ANKRD11: variants seen among roughly 807,000 people sequenced by gnomAD.
ANKRD11 encodes ankyrin repeat domain 11, also known as ankyrin repeat domain-containing protein 11.
ANKRD11 carries 17 observed loss-of-function variants against 195.7 expected under a neutral mutation model. The observed-to-expected ratio is 0.09, with a 90% CI of 0.06 to 0.13. The LOEUF (loss-of-function observed/expected upper bound fraction) is 0.13. Among genes scored for constraint, ANKRD11 ranks in the 10% least tolerant of loss-of-function variants. ANKRD11 has a pLI of 1.00. For missense variants in ANKRD11, 3,735 were observed against 3,566.1 expected (o/e 1.05, Z -1.21); for synonymous variants, 1,953 against 1,528.1 (o/e 1.28, Z -6.49).
intron 2 of ANKRD11, among the ~76,000 whole-genome samples, chr16:89,341,202 C>T (rs927738725): frequency 2.0e-5 from 3 of 152,268 alleles, no homozygotes; most frequent in Middle Eastern, 6.8e-3. Flanking sequence ...GGGTGAGATC[C>T]GCGGAGAAGA....
intron 2 of ANKRD11, among the ~76,000 whole-genome samples, chr16:89,416,586 CTGTG>C (rs2042319680): frequency 1.3e-5 from 2 of 152,082 alleles, no homozygotes; most frequent in Non-Finnish European, 2.9e-5. Context: ...GCGTGAGCCA[CTGTG>C]CCTGGCCACT....
At chr16:89,393,765 C>T (rs1439988435) in intron 2 of ANKRD11, among the ~76,000 whole-genome samples, 1 of 152,104 alleles carries the variant, frequency 6.6e-6, no homozygotes, top group Non-Finnish European at 1.5e-5. Context: ...GCCCTTCATT[C>T]TGGAATCTGG....
At chr16:89,393,688 T>A (rs2041302561) in intron 2 of ANKRD11, among the ~76,000 whole-genome samples, 1 of 151,798 alleles carries the variant, frequency 6.6e-6, no homozygotes, top group African/African-American at 2.4e-5. Flanking sequence ...AGAGGATTTG[T>A]AAGGGTTAGA....
At chr16:89,397,356 C>T (rs1296868292) in intron 2 of ANKRD11, among the ~76,000 whole-genome samples, 3 of 152,232 alleles carry the variant, frequency 2.0e-5, no homozygotes, top group Non-Finnish European at 4.4e-5. Flanking sequence ...CAACTGGATG[C>T]GCATTTACAA....
At chr16:89,449,963 C>G (rs1359530541) in intron 1 of ANKRD11, among the ~76,000 whole-genome samples, 1 of 152,158 alleles carries the variant, frequency 6.6e-6, no homozygotes, top group Non-Finnish European at 1.5e-5. Context: ...CCTGAGGGAG[C>G]CCTTCCTAAG....
chr16:89,297,637 A>G (rs906123301), intron 4 of ANKRD11: 1 of 152,228 alleles, frequency 6.6e-6, no homozygotes, highest in Non-Finnish European at 1.5e-5. Flanking sequence ...CGAGGGCGCA[A>G]CCATATTCCC....
chr16:89,457,500 G>C (rs1490517271), intron 1 of ANKRD11, among the ~76,000 whole-genome samples: 2 of 150,926 alleles, frequency 1.3e-5, no homozygotes, highest in African/African-American at 4.9e-5. Flanking sequence ...CGGGAGGCTA[G>C]GGCAGAAGAA....
At chr16:89,413,624 A>AAAAGAAAAAAAT (rs1284965172) in intron 2 of ANKRD11, among the ~76,000 whole-genome samples, 1 of 152,152 alleles carries the variant, frequency 6.6e-6, no homozygotes, top group East Asian at 1.9e-4. Context: ...CTGTCTCAAA[A>AAAAGAAAAAAAT]AAAGAAAAAA....
intron 1 of ANKRD11, among the ~76,000 whole-genome samples, chr16:89,448,494 CA>C: frequency 6.6e-6 from 1 of 152,326 alleles, no homozygotes; most frequent in South Asian, 2.1e-4. Context: ...CACCTAAACA[CA>C]AATCTCCATT....
At chr16:89,455,084 T>C (rs1355079165) in intron 1 of ANKRD11, among the ~76,000 whole-genome samples, 7 of 82,274 alleles carry the variant, frequency 8.5e-5, no homozygotes, top group East Asian at 5.5e-4. Flanking sequence ...TGGGTGCTTC[T>C]AGGGTTCCTC....
At chr16:89,402,710 A>G (rs1391755405) in intron 2 of ANKRD11, among the ~76,000 whole-genome samples, 1 of 84,318 alleles carries the variant, frequency 1.2e-5, no homozygotes, top group African/African-American at 4.7e-5. Flanking sequence ...CTGCGAGGTT[A>G]GGAGAGGGGG....
intron 9 of ANKRD11, among the ~76,000 whole-genome samples, chr16:89,276,658 C>T (rs542048815): frequency 5.9e-5 from 9 of 152,344 alleles, no homozygotes; most frequent in Admixed American, 2.6e-4. Flanking sequence ...GTCTCGTCAC[C>T]TCCACGGCTC....
intron 1 of ANKRD11, among the ~76,000 whole-genome samples, chr16:89,441,978 C>T (rs531606879): frequency 6.6e-5 from 10 of 152,200 alleles, no homozygotes; most frequent in South Asian, 6.2e-4. Flanking sequence ...AACTCAAATC[C>T]GGTCTAGAAA....
Position 89,284,262 on chromosome 16 carries a change from C to G in ANKRD11, c.2280G>C (p.Leu760=), listed in dbSNP as rs1230759806. The G allele has an allele frequency of 5.0e-6, 8 of 1,613,674 alleles. No individual in the cohort carries two copies. Among genetic ancestry groups the G allele is most frequent in the African/African-American group, 1.3e-5 (1 of 74,852 alleles). The change falls in exon 9 of 13, where the codon CTG becomes CTC. Residue 760 remains leucine (L), a synonymous_variant. Coordinates refer to ENST00000301030, the MANE Select transcript of ANKRD11 (RefSeq NM_013275.6). ...ATTTCTTCTTTCTCTCCTCTTTGTA[C>G]AGTCTCAGTTTTTCTTCTTTCGGAG... ...EKSPKEEKLR[L]YKEERKKKSK... is the part of the protein sequence containing the mutation.
At chr16:89,278,133 A>T (rs539511711) in intron 9 of ANKRD11, 13 of 254,676 alleles carry the variant, frequency 5.1e-5, no homozygotes, top group African/African-American at 2.7e-4. Context: ...GTGGTCTGGG[A>T]GGAGACTCCA....
chr16:89,278,995 T>C (rs772698793), intron 9 of ANKRD11, 77 bp downstream of exon 9: 2 of 1,580,734 alleles, frequency 1.3e-6, no homozygotes, highest in East Asian at 2.3e-5. Flanking sequence ...CAAGACGGGC[T>C]GGAGGAAGCC....
At chr16:89,421,883 A>C (rs2042524854) in intron 1 of ANKRD11, among the ~76,000 whole-genome samples, 1 of 152,232 alleles carries the variant, frequency 6.6e-6, no homozygotes, top group African/African-American at 2.4e-5. Context: ...ACCAGAATCC[A>C]GTTAAAACAA....
rs748373867 is a variant in ANKRD11, at chr16:89,280,403, C to A, written c.6139G>T (p.Ala2047Ser). Reference sequence around the variant, plus strand: ...GGAGCCGCCTCTGAGGTGGAGATGGCGGCGGGGACGGCGTCCACTCCGTCC... The same window carrying A: ...GGAGCCGCCTCTGAGGTGGAGATGGAGGCGGGGACGGCGTCCACTCCGTCC... ...VKDGVDAVPAAISTSEAAPYA... is the reference protein window; with the variant it reads ...VKDGVDAVPASISTSEAAPYA... The change falls in exon 9 of 13, where the codon GCC becomes TCC. Residue 2047 changes from alanine to serine, a missense_variant. Ala to Ser is a moderately conservative substitution (Grantham distance 99, BLOSUM62 1). Coordinates refer to ENST00000301030, the MANE Select transcript of ANKRD11 (RefSeq NM_013275.6). 4.5e-6 allele frequency: 7 copies of A among 1,556,490 alleles called. No individual in the cohort carries two copies. In the African/African-American group the frequency reaches 9.5e-5, roughly 21 times the overall value.
chr16:89,490,044 G>A (rs1481810234), intron 1 of ANKRD11, among the ~76,000 whole-genome samples: 1 of 137,428 alleles, frequency 7.3e-6, no homozygotes, highest in East Asian at 2.3e-4. Flanking sequence ...GGACCCGTAG[G>A]CCCGCTCCGG....
Sources: gnomAD v4.1 joint callset for allele counts (sites outside exome capture counted in the v4.1 genomes callset) on GRCh38, gnomAD v4.1.1 for gene constraint, MANE v1.5 for transcripts, NCBI Gene and HGNC (gene_info 2026-07-23, HGNC 2026-07-21) for gene names.